SELENOF: variants seen among roughly 807,000 people sequenced by gnomAD.
SELENOF encodes the protein selenoprotein F.
Under a neutral mutation model 20.5 loss-of-function variants are expected in SELENOF, and 16 were observed. The ratio of observed to expected loss-of-function variants is 0.78; its 90% CI spans 0.53 to 1.19. The LOEUF (loss-of-function observed/expected upper bound fraction) is 1.19, where lower values mean the gene tolerates loss of function less well. SELENOF is among the 50% of genes most tolerant of loss of function. SELENOF has a pLI of 0.00. For synonymous variants in SELENOF, 78 were observed against 74.5 expected (o/e 1.05, Z -0.24); for missense variants, 215 against 194.2 (o/e 1.11, Z -0.64).
At chr1:86,889,062 A>C (rs914166548) in intron 2 of SELENOF, among the ~76,000 whole-genome samples, 1 of 152,228 alleles carries the variant, frequency 6.6e-6, no homozygotes, top group African/African-American at 2.4e-5. Context: ...GAACTTTAAA[A>C]AGATACAAAA....
intron 2 of SELENOF, among the ~76,000 whole-genome samples, chr1:86,894,377 C>T (rs1659468088): frequency 1.3e-5 from 2 of 151,710 alleles, no homozygotes; most frequent in South Asian, 2.1e-4. Flanking sequence ...ACATATAGCT[C>T]AATTTATTTT....
chr1:86,882,247 C>CAAAAAAAAAAAAAA (rs61037512), intron 2 of SELENOF, among the ~76,000 whole-genome samples: 13 of 61,856 alleles, frequency 2.1e-4, no homozygotes, highest in Non-Finnish European at 2.6e-4. Flanking sequence ...GACTCTGTCT[C>CAAAAAAAAAAAAAA]AAAAAAAAAA....
At chr1:86,868,494 A>G (rs1222900761) in intron 3 of SELENOF, among the ~76,000 whole-genome samples, 1 of 152,188 alleles carries the variant, frequency 6.6e-6, no homozygotes, top group East Asian at 1.9e-4. Flanking sequence ...AGAATAGGAA[A>G]TTAAAAGAGA....
At position 86,906,439 on chromosome 1, in the gene SELENOF, G is replaced by C. The variant is rs140301704; in HGVS notation, c.85-2991C>G. Among the ~76,000 whole-genome samples, 9 of 152,250 alleles carry C rather than the reference G, an allele frequency of 5.9e-5. 1 individual carries two copies. The highest frequency in any genetic ancestry group is 1.9e-4 in the African/African-American group (8 of 41,542). On this transcript the variant is annotated intron_variant, in intron 1 of 4. Transcript: ENST00000331835. ...ATGTTAGTCCTCCACTGAGAAGTGG[G>C]GTCTATGTTCCCTCCCCTTGAATCT...
intron 3 of SELENOF, among the ~76,000 whole-genome samples, chr1:86,878,915 TTAA>T (rs752199143): frequency 1.2e-4 from 19 of 152,160 alleles, no homozygotes; most frequent in Non-Finnish European, 2.4e-4. Context: ...CATTATGGAA[TTAA>T]TAATTTTTAT....
intron 2 of SELENOF, among the ~76,000 whole-genome samples, chr1:86,886,968 A>G (rs1659234907): frequency 6.6e-6 from 1 of 152,184 alleles, no homozygotes; most frequent in South Asian, 2.1e-4. Flanking sequence ...TAAAAAATCA[A>G]CTTTATTCCT....
chr1:86,880,555 A>C, intron 3 of SELENOF, 107 bp downstream of exon 3: 3 of 590,228 alleles, frequency 5.1e-6, no homozygotes, highest in Non-Finnish European at 8.7e-6. Flanking sequence ...TTGTTAAGAA[A>C]GTATAATCCT....
intron 2 of SELENOF, among the ~76,000 whole-genome samples, chr1:86,884,143 G>A (rs1659149226): frequency 6.6e-6 from 1 of 152,084 alleles, no homozygotes; most frequent in African/African-American, 2.4e-5. Context: ...GCCGAAGGGA[G>A]AGAACTATTC....
intron 2 of SELENOF, among the ~76,000 whole-genome samples, chr1:86,884,837 G>T (rs1400737935): frequency 1.3e-5 from 2 of 152,170 alleles, no homozygotes; most frequent in Non-Finnish European, 2.9e-5. Flanking sequence ...GCCCATTATT[G>T]TATTAGGACT....
intron 2 of SELENOF, among the ~76,000 whole-genome samples, chr1:86,898,297 A>C (rs1659577932): frequency 6.6e-6 from 1 of 152,198 alleles, no homozygotes; most frequent in African/African-American, 2.4e-5. Flanking sequence ...AGGGAGACCA[A>C]ATAAAAATAG....
At chr1:86,878,253 CATTA>C (rs1658974446) in intron 3 of SELENOF, among the ~76,000 whole-genome samples, 1 of 152,058 alleles carries the variant, frequency 6.6e-6, no homozygotes, top group Non-Finnish European at 1.5e-5. Context: ...AATAATTTAA[CATTA>C]ATTTACTCTT....
chr1:86,894,831 T>A (rs913504444), intron 2 of SELENOF, among the ~76,000 whole-genome samples: 4 of 151,944 alleles, frequency 2.6e-5, no homozygotes, highest in Admixed American at 6.6e-5. Flanking sequence ...AGGGAAACCC[T>A]ATCTCTAAAA....
intron 3 of SELENOF, among the ~76,000 whole-genome samples, chr1:86,878,680 A>G (rs187253429): frequency 2.6e-5 from 4 of 151,588 alleles, no homozygotes; most frequent in African/African-American, 9.7e-5. Flanking sequence ...ACTCTGTCTC[A>G]AAAAAAAAGA....
chr1:86,891,847 T>G (rs1260500449), intron 2 of SELENOF, among the ~76,000 whole-genome samples: 2 of 152,126 alleles, frequency 1.3e-5, no homozygotes, highest in Non-Finnish European at 2.9e-5. Flanking sequence ...ATAAATTCAT[T>G]TAAAGTGGTT....
At position 86,898,773 on chromosome 1, in the gene SELENOF, TTTG is replaced by T. The variant is rs1206142901; in HGVS notation, c.252+4505_252+4507del. Among the ~76,000 whole-genome samples the T allele has an allele frequency of 1.1e-4, 17 of 151,578 alleles. No individual in the cohort carries two copies. The South Asian group carries it at 2.9e-3, about 26-fold the overall frequency. On this transcript the variant is annotated intron_variant, in intron 2 of 4. Coordinates refer to ENST00000331835, the MANE Select transcript of SELENOF (RefSeq NM_004261.5). ...ATTTTTTGTATTTTTTTTTTGTTTG[TTTG>T]TTTTTTTTAATTTTCATTTTTATTT... is the stretch of plus-strand genomic sequence containing the variant.
intron 3 of SELENOF, among the ~76,000 whole-genome samples, chr1:86,873,964 T>C (rs144925850): frequency 1.3e-5 from 2 of 152,234 alleles, no homozygotes; most frequent in African/African-American, 4.8e-5. Context: ...CATTTAATCA[T>C]TAGAAGCGTT....
chr1:86,871,337 T>C (rs1042954241), intron 3 of SELENOF, among the ~76,000 whole-genome samples: 1 of 152,186 alleles, frequency 6.6e-6, no homozygotes, highest in Non-Finnish European at 1.5e-5. Context: ...CTTAGTATGT[T>C]AGAGTCATAA....
At chr1:86,890,402 C>T (rs972456102) in intron 2 of SELENOF, among the ~76,000 whole-genome samples, 7 of 152,130 alleles carry the variant, frequency 4.6e-5, no homozygotes, top group Admixed American at 3.3e-4. Flanking sequence ...AAAATCAATG[C>T]ATGTGGACAT....
At chr1:86,876,682 G>A (rs1277931812) in intron 3 of SELENOF, among the ~76,000 whole-genome samples, 1 of 152,244 alleles carries the variant, frequency 6.6e-6, no homozygotes. Context: ...CCATTCGGTA[G>A]AGTCAGAAGA....
Sources: gnomAD v4.1 joint callset for allele counts (sites outside exome capture counted in the v4.1 genomes callset) on GRCh38, gnomAD v4.1.1 for gene constraint, MANE v1.5 for transcripts, NCBI Gene and HGNC (gene_info 2026-07-23, HGNC 2026-07-21) for gene names.